AKAP19: variants seen among roughly 807,000 people sequenced by gnomAD.
AKAP19 encodes the protein small A-kinase anchoring protein.
At chr2:190,078,764 G>A in the AKAP19 span, among the ~76,000 whole-genome samples, 2 of 151,962 alleles carry the variant, frequency 1.3e-5, no homozygotes, top group African/African-American at 4.8e-5. Context: ...ATATGCCGTT[G>A]CATTTGACCC....
chr2:190,012,113 A>G, the AKAP19 span, among the ~76,000 whole-genome samples: 1 of 152,010 alleles, frequency 6.6e-6, no homozygotes, highest in Non-Finnish European at 1.5e-5. Flanking sequence ...TTTCTCATCA[A>G]AGTTTCATAG....
the AKAP19 span, among the ~76,000 whole-genome samples, chr2:189,909,596 G>T: frequency 6.6e-6 from 1 of 151,940 alleles, no homozygotes; most frequent in African/African-American, 2.4e-5. Context: ...ATTTTAAGCT[G>T]ATAACTTTCA....
At chr2:190,013,519 A>G in the AKAP19 span, among the ~76,000 whole-genome samples, 1 of 150,538 alleles carries the variant, frequency 6.6e-6, no homozygotes, top group African/African-American at 2.4e-5. Flanking sequence ...TTATTTATTT[A>G]TTTATTTATT....
chr2:190,147,920 G>A, the AKAP19 span, among the ~76,000 whole-genome samples: 1 of 152,084 alleles, frequency 6.6e-6, no homozygotes, highest in African/African-American at 2.4e-5. Context: ...AGTCCTTAGG[G>A]TTTTCAAGGT....
the AKAP19 span, among the ~76,000 whole-genome samples, chr2:190,120,390 T>G: frequency 1.3e-5 from 2 of 152,174 alleles, no homozygotes; most frequent in South Asian, 4.1e-4. Flanking sequence ...GAGGAAGTGA[T>G]GCTGGCAAGA....
At chr2:190,093,680 A>G in the AKAP19 span, among the ~76,000 whole-genome samples, 2 of 152,054 alleles carry the variant, frequency 1.3e-5, no homozygotes, top group South Asian at 2.1e-4. Flanking sequence ...ATTTTGGATT[A>G]TTTTTATTTA....
the AKAP19 span, among the ~76,000 whole-genome samples, chr2:189,948,756 T>C: frequency 6.6e-6 from 1 of 152,260 alleles, no homozygotes; most frequent in African/African-American, 2.4e-5. Context: ...AACAAAGTCC[T>C]GTGACACTTA....
the AKAP19 span, among the ~76,000 whole-genome samples, chr2:190,171,330 C>G: frequency 1.3e-5 from 2 of 151,986 alleles, no homozygotes; most frequent in South Asian, 4.1e-4. Flanking sequence ...GGTAGGAAAA[C>G]TGCACTAGTA....
the AKAP19 span, among the ~76,000 whole-genome samples, chr2:189,929,597 G>C: frequency 2.0e-5 from 3 of 151,660 alleles, no homozygotes; most frequent in African/African-American, 4.8e-5. Context: ...ATCTCAGTTT[G>C]CTTACAAGCT....
chr2:189,933,179 G>A, the AKAP19 span, among the ~76,000 whole-genome samples: 2 of 152,144 alleles, frequency 1.3e-5, no homozygotes, highest in East Asian at 3.8e-4. Flanking sequence ...GCCAGTGCTT[G>A]TGAAACTAGG....
At chr2:190,149,166 T>C in the AKAP19 span, among the ~76,000 whole-genome samples, 1 of 152,180 alleles carries the variant, frequency 6.6e-6, no homozygotes, top group Non-Finnish European at 1.5e-5. Context: ...TTTCACCATG[T>C]TGGTCAGGCT....
the AKAP19 span, among the ~76,000 whole-genome samples, chr2:189,903,333 T>C: frequency 6.6e-6 from 1 of 152,066 alleles, no homozygotes; most frequent in African/African-American, 2.4e-5. Flanking sequence ...ACCTAATCTG[T>C]AAATTTCTAA....
At chr2:190,096,343 G>A in the AKAP19 span, among the ~76,000 whole-genome samples, 1 of 152,190 alleles carries the variant, frequency 6.6e-6, no homozygotes, top group Non-Finnish European at 1.5e-5. Context: ...ATTATTATGT[G>A]TATAGCACTA....
At chr2:190,149,369 G>A in the AKAP19 span, among the ~76,000 whole-genome samples, 3 of 151,778 alleles carry the variant, frequency 2.0e-5, no homozygotes, top group Admixed American at 1.3e-4. Context: ...CTGGGTTTGG[G>A]TTTGGTTTGT....
At chr2:189,949,527 AG>A in the AKAP19 span, among the ~76,000 whole-genome samples, 1 of 146,682 alleles carries the variant, frequency 6.8e-6, no homozygotes, top group African/African-American at 2.5e-5. Flanking sequence ...AAAGGAAAAA[AG>A]AAATCCAGAT....
At chr2:190,071,840 C>T in the AKAP19 span, among the ~76,000 whole-genome samples, 3 of 151,562 alleles carry the variant, frequency 2.0e-5, no homozygotes, top group East Asian at 5.8e-4. Context: ...AAAAGATATA[C>T]CAGACAAATG....
chr2:189,977,275 T>C, the AKAP19 span, among the ~76,000 whole-genome samples: 5 of 152,272 alleles, frequency 3.3e-5, no homozygotes, highest in Middle Eastern at 3.2e-3. Flanking sequence ...CTGTGCTGAA[T>C]ATATAATGTA....
At chr2:189,923,370 G>T in the AKAP19 span, 2 of 1,612,632 alleles carry the variant, frequency 1.2e-6, no homozygotes. Context: ...ACAGATCCTC[G>T]TTCCATGAAC....
At chr2:190,127,487 A>G in the AKAP19 span, among the ~76,000 whole-genome samples, 6 of 152,168 alleles carry the variant, frequency 3.9e-5, no homozygotes, top group Admixed American at 2.6e-4. Flanking sequence ...TTTGAGACAC[A>G]TGGCAAATAC....
Sources: allele counts gnomAD v4.1 joint callset (sites outside exome capture counted in the v4.1 genomes callset), GRCh38; gene constraint gnomAD v4.1.1; transcripts MANE v1.5; gene names NCBI Gene and HGNC (gene_info 2026-07-23, HGNC 2026-07-21).